SVEP1: variants seen among roughly 807,000 people sequenced by gnomAD.
SVEP1 encodes the protein sushi, von Willebrand factor type A, EGF and pentraxin domain-containing protein 1.
SVEP1 carries 164 observed loss-of-function variants against 367.3 expected under a neutral mutation model. The ratio of observed to expected loss-of-function variants is 0.45; its 90% CI spans 0.39 to 0.51. The LOEUF (loss-of-function observed/expected upper bound fraction) is 0.51. Ranked by LOEUF, SVEP1 falls within the 20% of genes least tolerant of loss-of-function variation. SVEP1 has a pLI of 0.00. For synonymous variants in SVEP1, 1,666 were observed against 1,611.6 expected, an observed-to-expected ratio of 1.03 and a Z score of -0.81; for missense variants, 4,117 against 4,425.3, an observed-to-expected ratio of 0.93 and a Z score of 1.98.
intron 5 of SVEP1, 126 bp downstream of exon 5, chr9:110,512,798 TTC>T (rs1477631768): frequency 1.8e-6 from 2 of 1,096,600 alleles, no homozygotes; most frequent in East Asian, 2.6e-5. Flanking sequence ...CCTATAATTT[TTC>T]TCTTTCTGTA....
At position 110,404,312 on chromosome 9, in the gene SVEP1, A is replaced by T; in HGVS notation, c.9666+15T>A. On this transcript the variant is annotated intron_variant, in intron 39 of 47. Coordinates refer to ENST00000374469, the MANE Select transcript of SVEP1 (RefSeq NM_153366.4). ...TATGTAGGCATTACACATTCTAATT[A>T]AGACAGAATCTTACCTGACATACTG... The T allele has an allele frequency of 6.2e-7, 1 of 1,611,916 alleles. No homozygotes were observed. Among genetic ancestry groups the T allele is most frequent in the Middle Eastern group, 1.7e-4 (1 of 5,968 alleles).
chr9:110,542,961 T>TA (rs1830169771), intron 3 of SVEP1, among the ~76,000 whole-genome samples: 2 of 23,420 alleles, frequency 8.5e-5, no homozygotes, highest in African/African-American at 2.4e-4. Flanking sequence ...ACTTAAAGTA[T>TA]AATTAAAAAA....
chr9:110,462,789 G>A (rs534184736), intron 18 of SVEP1, among the ~76,000 whole-genome samples: 1 of 151,718 alleles, frequency 6.6e-6, no homozygotes, highest in African/African-American at 2.4e-5. Flanking sequence ...GACAAACAGT[G>A]CATGGAAATG....
intron 26 of SVEP1, among the ~76,000 whole-genome samples, chr9:110,444,844 T>C (rs1224756476): frequency 6.6e-6 from 1 of 152,202 alleles, no homozygotes; most frequent in Admixed American, 6.5e-5. Context: ...TCTCTCTTTA[T>C]ATATATTTTG....
rs375241403 is a variant in SVEP1 at position 110,370,437 on chromosome 9, G to C, written c.10601-421C>G. 1.4e-4 allele frequency among the ~76,000 whole-genome samples: 22 copies of C among 152,196 alleles called. No homozygotes were observed. The East Asian group carries it at 3.9e-3, about 27-fold the overall frequency. ...AAGCTCAAGATTGTAAATTCCTCGA[G>C]GGAGTTAGCATTGAACTCTATGATT... On this transcript the variant is annotated intron_variant, in intron 46 of 47. Transcript: ENST00000374469.
At chr9:110,460,454 T>C (rs1266278539) in intron 18 of SVEP1, among the ~76,000 whole-genome samples, 2 of 152,232 alleles carry the variant, frequency 1.3e-5, no homozygotes, top group Non-Finnish European at 2.9e-5. Context: ...ACATGATCTT[T>C]ATAAATTCAA....
chr9:110,479,651 G>C lies in SVEP1; in HGVS notation c.2471C>G (p.Thr824Arg), dbSNP rs374066381. ...LMKKFSEAFE[T>R]TLGKMVPSFC... ...TTGATGTACCATTTTTCCCAGGGTC[G>C]TCTCAAATGCTTCAGAAAACTTCTT... Residue 824 changes from threonine to arginine, a missense_variant, in exon 13 of 48, where the codon ACG (threonine) becomes AGG (arginine). Around this residue, in one of 4 missense-constraint regions of SVEP1, gnomAD observed 2,174 missense variants for 2,494.3 expected, o/e 0.87. Transcript: ENST00000374469. 1 of 1,606,372 alleles carries C rather than the reference G, an allele frequency of 6.2e-7. No individual in the cohort carries two copies.
intron 3 of SVEP1, among the ~76,000 whole-genome samples, chr9:110,515,567 T>C: frequency 6.6e-6 from 1 of 152,192 alleles, no homozygotes; most frequent in East Asian, 1.9e-4. Flanking sequence ...CCCAAAGTGC[T>C]GGGATTACAG....
intron 36 of SVEP1, among the ~76,000 whole-genome samples, chr9:110,415,381 G>T (rs1828104449): frequency 6.6e-6 from 1 of 152,030 alleles, no homozygotes; most frequent in Non-Finnish European, 1.5e-5. Flanking sequence ...CTTATATAAG[G>T]CCCAGGAGGC....
intron 15 of SVEP1, 134 bp downstream of exon 15, chr9:110,472,025 T>C (rs1829026485): frequency 1.1e-6 from 1 of 949,532 alleles, no homozygotes; most frequent in Non-Finnish European, 1.6e-6. Flanking sequence ...AAGGCTTAGT[T>C]AACTGTGCTT....
In SVEP1 at chr9:110,459,062, G is replaced by A; in HGVS notation, c.3374C>T (p.Pro1125Leu). The change falls in exon 19 of 48, where the codon CCA becomes CTA. Residue 1125 changes from proline to leucine, a missense_variant. Pro to Leu is a moderately conservative substitution (Grantham distance 98). Transcript: ENST00000374469. ...FSRSGLMPCH[P>L]CPRDYYQPNA... Reference sequence around the variant, plus strand: ...AGGTTGGTAATAGTCACGAGGACATGGGTGACAGGGCATTAACCCAGAACG... The same window carrying A: ...AGGTTGGTAATAGTCACGAGGACATAGGTGACAGGGCATTAACCCAGAACG... The A allele has an allele frequency of 1.9e-6, 3 of 1,613,834 alleles. No individual in the cohort carries two copies. Among genetic ancestry groups the A allele is most frequent in the Non-Finnish European group, 2.5e-6 (3 of 1,179,772 alleles).
At chr9:110,466,931 T>C (rs1163395604) in intron 17 of SVEP1, among the ~76,000 whole-genome samples, 1 of 152,018 alleles carries the variant, frequency 6.6e-6, no homozygotes, top group Admixed American at 6.6e-5. Context: ...ATAAGGATGA[T>C]TTGTAGAAGA....
intron 1 of SVEP1, among the ~76,000 whole-genome samples, chr9:110,555,836 A>G (rs1830350564): frequency 6.6e-6 from 1 of 152,216 alleles, no homozygotes; most frequent in African/African-American, 2.4e-5. Context: ...TTTGTGCTTC[A>G]TCGTACTTGA....
chr9:110,381,079 T>A (rs757598161), intron 43 of SVEP1, among the ~76,000 whole-genome samples: 9 of 152,182 alleles, frequency 5.9e-5, no homozygotes, highest in Non-Finnish European at 8.8e-5. Flanking sequence ...CCCTTTATCA[T>A]TTTTATTGTC....
At position 110,550,037 on chromosome 9, in the gene SVEP1, T is replaced by C. The variant is rs780516262; in HGVS notation, c.599A>G (p.Asn200Ser). 4 of 1,613,934 alleles carry C rather than the reference T, an allele frequency of 2.5e-6. No individual in the cohort carries two copies. The highest frequency in any genetic ancestry group is 2.7e-5 in the African/African-American group (2 of 74,950). The change falls in exon 2 of 48, where the codon AAT (asparagine) becomes AGT (serine). Residue 200 changes from asparagine to serine, a missense_variant. Asn to Ser is a conservative substitution (Grantham distance 46). Transcript: ENST00000374469. ...TGCAATTGGTCTAGGGTCTCCCCCA[T>C]TGGAATATCCATCAGTGATGAGAAA... ...VVFLITDGYSNGGDPRPIAAS... is the reference protein window; with the variant it reads ...VVFLITDGYSSGGDPRPIAAS...
chr9:110,413,890 A>T (rs1828080789), intron 36 of SVEP1, among the ~76,000 whole-genome samples: 1 of 152,014 alleles, frequency 6.6e-6, no homozygotes, highest in East Asian at 1.9e-4. Flanking sequence ...AAAATAATTG[A>T]GTACCTAGTT....
intron 3 of SVEP1, among the ~76,000 whole-genome samples, chr9:110,516,820 G>A (rs1465978344): frequency 2.0e-5 from 3 of 152,160 alleles, no homozygotes; most frequent in African/African-American, 7.2e-5. Flanking sequence ...GCAAAGATAT[G>A]AGAAGTAATG....
In SVEP1 at chr9:110,472,234, T is replaced by A. The variant is rs1452808748; in HGVS notation, c.2689A>T (p.Asn897Tyr). ...CTTTTAATCCGTGAGGACTTGGCAT[T>A]GCCGATGCTTGTGGCTGTTTCTTGC... is the stretch of plus-strand genomic sequence containing the variant. ...TVQETATSIG[N>Y]AKSSRIKRSA... The change falls in exon 15 of 48, where the codon AAT becomes TAT. Residue 897 changes from asparagine (N) to tyrosine (Y), a missense_variant. Coordinates refer to ENST00000374469, the MANE Select transcript of SVEP1 (RefSeq NM_153366.4). 1.2e-6 allele frequency: 2 copies of A among 1,613,594 alleles called. No individual in the cohort carries two copies. The highest frequency in any genetic ancestry group is 1.3e-5 in the African/African-American group (1 of 74,914).
intron 6 of SVEP1, among the ~76,000 whole-genome samples, chr9:110,500,514 A>C (rs1172010610): frequency 6.6e-6 from 1 of 152,102 alleles, no homozygotes; most frequent in Non-Finnish European, 1.5e-5. Flanking sequence ...ATGCTTAGTA[A>C]GTTCTGAGAC....
Sources: allele counts gnomAD v4.1 joint callset (sites outside exome capture counted in the v4.1 genomes callset), GRCh38; gene constraint gnomAD v4.1.1; regional missense constraint gnomAD v4.1.1; transcripts MANE v1.5; gene names NCBI Gene and HGNC (gene_info 2026-07-23, HGNC 2026-07-21).